Variants in DNAH6 observed in about 807,000 individuals in gnomAD.
The protein encoded by DNAH6 is dynein axonemal heavy chain 6.
In DNAH6, 340 loss-of-function variants were observed where a neutral mutation model predicts 491.4. That is an observed-to-expected ratio of 0.69 (90% CI 0.63 to 0.76). The LOEUF (loss-of-function observed/expected upper bound fraction) is 0.76. Ranked by LOEUF, DNAH6 falls within the 30% of genes least tolerant of loss-of-function variation. DNAH6 has a pLI of 0.00. For missense variants in DNAH6, 4,443 were observed against 4,972.2 expected, an observed-to-expected ratio of 0.89 and a Z score of 3.20; for synonymous variants, 1,603 against 1,686.1, an observed-to-expected ratio of 0.95 and a Z score of 1.21.
intron 41 of DNAH6, among the ~76,000 whole-genome samples, chr2:84,680,465 G>A (rs1348845746): frequency 6.6e-6 from 1 of 152,114 alleles, no homozygotes; most frequent in African/African-American, 2.4e-5. Flanking sequence ...TGAGTGGTCA[G>A]GAAAGGCCTC....
At chr2:84,609,795 G>A (rs183155368) in intron 21 of DNAH6, among the ~76,000 whole-genome samples, 1 of 151,992 alleles carries the variant, frequency 6.6e-6, no homozygotes, top group African/African-American at 2.4e-5. Context: ...TGGAAAAATG[G>A]CATGAATTAA....
At position 84,607,053 on chromosome 2, in the gene DNAH6, G is replaced by A. The variant is rs1685840766; in HGVS notation, c.3252G>A (p.Val1084=). ...ACCTTGGTCCACTGAAAACTCGAGT[G>A]GATGAATGGCAAAAACAACTTGCTT... The part of the protein sequence containing the change: ...SRYLGPLKTR[V]DEWQKQLALF... Residue 1084 remains valine (V), a synonymous_variant, in exon 21 of 77, where the codon GTG becomes GTA. Coordinates refer to ENST00000389394, the MANE Select transcript of DNAH6 (RefSeq NM_001370.2). 1 of 1,551,402 alleles carries A rather than the reference G, an allele frequency of 6.4e-7. No individual in the cohort carries two copies. Among genetic ancestry groups the A allele is most frequent in the Non-Finnish European group, 8.7e-7 (1 of 1,146,766 alleles).
At chr2:84,571,283 C>T (rs893219610) in intron 11 of DNAH6, among the ~76,000 whole-genome samples, 17 of 152,204 alleles carry the variant, frequency 1.1e-4, no homozygotes, top group African/African-American at 4.1e-4. Context: ...AATGCGTATG[C>T]AAAAGTATAA....
In DNAH6 at chr2:84,812,331, G is replaced by T. The variant is rs771933195; in HGVS notation, c.11740-10G>T. 8 of 1,545,600 alleles carry T rather than the reference G, an allele frequency of 5.2e-6. No individual in the cohort carries two copies. In the Admixed American group the frequency reaches 8.1e-5, roughly 16 times the overall value. ...TGCAAAGGCCACCAACCCCTTTTTT[G>T]TTCTTTCAGACTTCTCTGGAAACAC... On this transcript the variant is annotated splice_polypyrimidine_tract_variant and intron_variant, in intron 72 of 76. Transcript: ENST00000389394.
chr2:84,523,330 G>A (rs927685625), intron 2 of DNAH6, among the ~76,000 whole-genome samples: 4 of 151,886 alleles, frequency 2.6e-5, no homozygotes, highest in Non-Finnish European at 2.9e-5. Context: ...GTGTTTATTT[G>A]GATCTTTTCT....
chr2:84,594,862 C>T (rs527793796), intron 17 of DNAH6, among the ~76,000 whole-genome samples: 6 of 152,232 alleles, frequency 3.9e-5, no homozygotes, highest in Admixed American at 1.3e-4. Flanking sequence ...AAAGTTCAAA[C>T]GTAGAACTCT....
intron 11 of DNAH6, among the ~76,000 whole-genome samples, chr2:84,564,505 A>T (rs13414268): frequency 0.29 from 43,474 of 152,046 alleles, 7,187 homozygotes; most frequent in East Asian, 0.65. Flanking sequence ...TTTAAGGTGT[A>T]TAGAAATGCT....
chr2:84,617,156 A>T (rs1686936370), intron 23 of DNAH6, among the ~76,000 whole-genome samples, 174 bp downstream of exon 23: 1 of 152,144 alleles, frequency 6.6e-6, no homozygotes. Context: ...TCAAGGATAA[A>T]ATACAATATT....
At chr2:84,695,576 G>A (rs1695305368) in intron 46 of DNAH6, among the ~76,000 whole-genome samples, 1 of 152,042 alleles carries the variant, frequency 6.6e-6, no homozygotes, top group Non-Finnish European at 1.5e-5. Context: ...TCCAGTGAGA[G>A]AAAGTCATAT....
At chr2:84,614,279 A>G (rs1287690988) in intron 22 of DNAH6, among the ~76,000 whole-genome samples, 1 of 152,090 alleles carries the variant, frequency 6.6e-6, no homozygotes, top group Admixed American at 6.6e-5. Context: ...GTGAGAACAT[A>G]TGATGCTTGG....
chr2:84,565,262 A>G (rs1558723352), intron 11 of DNAH6, among the ~76,000 whole-genome samples: 1 of 151,950 alleles, frequency 6.6e-6, no homozygotes, highest in Admixed American at 6.6e-5. Flanking sequence ...GAATAGTTTT[A>G]GTAGAACTGG....
Position 84,669,368 on chromosome 2 carries a change from CTACTTTCA to C in DNAH6, c.6165_6172del (p.Thr2056IlefsTer9). On this transcript the variant is annotated frameshift_variant, in exon 38 of 77. Transcript: ENST00000389394. LOFTEE classifies it high-confidence loss of function. ...CTGGATCCCTGGGAACGAATCATAC[CTACTTTCA>C]AATACAACCGAGATGTTCCATTTTT... The C allele has an allele frequency of 6.5e-7, 1 of 1,546,898 alleles. No individual in the cohort carries two copies. The highest frequency in any genetic ancestry group is 8.8e-7 in the Non-Finnish European group (1 of 1,142,350).
At chr2:84,506,734 A>G in the DNAH6 span, among the ~76,000 whole-genome samples, 1 of 152,082 alleles carries the variant, frequency 6.6e-6, no homozygotes, top group Non-Finnish European at 1.5e-5. Context: ...ATCTTGAATT[A>G]ATTTTTGTAT....
chr2:84,605,829 A>G (rs866024866), intron 20 of DNAH6, among the ~76,000 whole-genome samples: 44 of 152,232 alleles, frequency 2.9e-4, no homozygotes, highest in African/African-American at 8.9e-4. Flanking sequence ...GTTGGTAACT[A>G]TTGAGGAATT....
chr2:84,764,369 C>G (rs917616505), intron 64 of DNAH6, among the ~76,000 whole-genome samples: 1 of 152,106 alleles, frequency 6.6e-6, no homozygotes, highest in Non-Finnish European at 1.5e-5. Context: ...GCCCAATGAG[C>G]ATATGAAAAG....
the DNAH6 span, among the ~76,000 whole-genome samples, chr2:84,491,942 C>A: frequency 6.6e-6 from 1 of 152,148 alleles, no homozygotes; most frequent in Non-Finnish European, 1.5e-5. Context: ...GCTGCCCACA[C>A]ATTCAGGTCT....
chr2:84,806,294 A>C (rs1679402944), intron 71 of DNAH6, among the ~76,000 whole-genome samples: 1 of 152,192 alleles, frequency 6.6e-6, no homozygotes, highest in African/African-American at 2.4e-5. Flanking sequence ...CATATGGCTA[A>C]ATTACTTTCA....
At chr2:84,676,130 A>G (rs1466935753) in intron 40 of DNAH6, among the ~76,000 whole-genome samples, 2 of 152,188 alleles carry the variant, frequency 1.3e-5, no homozygotes, top group Non-Finnish European at 2.9e-5. Context: ...TAACTGCAAA[A>G]TCAATATTCA....
At chr2:84,686,410 T>C in intron 43 of DNAH6, 74 bp from the exon 44 acceptor site, 2 of 845,052 alleles carry the variant, frequency 2.4e-6, no homozygotes, top group East Asian at 2.7e-5. Flanking sequence ...GCTATTATTC[T>C]ATATGTTTTA....
Sources: allele counts gnomAD v4.1 joint callset (sites outside exome capture counted in the v4.1 genomes callset), GRCh38; gene constraint gnomAD v4.1.1; transcripts MANE v1.5; gene names NCBI Gene and HGNC (gene_info 2026-07-23, HGNC 2026-07-21).